Variants in COBL observed in about 807,000 individuals in gnomAD.
The protein encoded by COBL is cordon-bleu WH2 repeat protein, also known as protein cordon-bleu.
A neutral mutation model predicts 98.8 loss-of-function variants in COBL; 51 were observed. That is an observed-to-expected ratio of 0.52 (90% CI 0.41 to 0.65). COBL has a LOEUF of 0.65. Ranked by LOEUF, COBL falls within the 30% of genes least tolerant of loss-of-function variation. The pLI is 0.00. For synonymous variants in COBL, 634 were observed against 651.7 expected (o/e 0.97, Z 0.41); for missense variants, 1,617 against 1,617.5 (o/e 1.00, Z 0.01).
At chr7:51,229,638 C>A (rs917486461) in intron 1 of COBL, among the ~76,000 whole-genome samples, 2 of 152,196 alleles carry the variant, frequency 1.3e-5, no homozygotes, top group African/African-American at 2.4e-5. Context: ...ATTCTTGCCA[C>A]CTCTCAGGCA....
chr7:51,126,956 C>A (rs763901896), intron 6 of COBL, among the ~76,000 whole-genome samples: 2 of 152,236 alleles, frequency 1.3e-5, no homozygotes, highest in East Asian at 1.9e-4. Flanking sequence ...CATGTTCACC[C>A]GCTCATAAAT....
chr7:51,029,279 T>C lies in COBL; in HGVS notation c.1817A>G (p.Asp606Gly), dbSNP rs1223600522. ...GGCCACACGGATTCCTTTTCCGACG[T>C]CATGGGAAGCGGGGTGCAGGGCAGG... ...EVPALHPASH[D>G]VGKGIRVALS... Residue 606 changes from aspartate to glycine, a missense_variant, in exon 10 of 13, where the codon GAC (aspartate) becomes GGC (glycine). Transcript: ENST00000265136. 3 of 1,607,022 alleles carry C rather than the reference T, an allele frequency of 1.9e-6. No individual in the cohort carries two copies. Among genetic ancestry groups the C allele is most frequent in the African/African-American group, 1.3e-5 (1 of 74,736 alleles).
intron 7 of COBL, chr7:51,065,259 A>G (rs1034751335): frequency 2.8e-5 from 20 of 703,300 alleles, no homozygotes; most frequent in African/African-American, 1.0e-4. Context: ...TGCTTGAAAG[A>G]CCCAAGAGAA....
At chr7:51,036,582 A>C (rs1788664933) in intron 8 of COBL, among the ~76,000 whole-genome samples, 1 of 152,034 alleles carries the variant, frequency 6.6e-6, no homozygotes, top group African/African-American at 2.4e-5. Flanking sequence ...TCCCATAAGG[A>C]TCCTCATAGC....
At chr7:51,030,018 TA>T (rs1182790968) in intron 9 of COBL, among the ~76,000 whole-genome samples, 6 of 152,230 alleles carry the variant, frequency 3.9e-5, no homozygotes, top group African/African-American at 1.4e-4. Context: ...AGCAGATGAC[TA>T]AATCTTGAGT....
chr7:51,167,551 A>G (rs2129040388), intron 5 of COBL, among the ~76,000 whole-genome samples: 1 of 152,298 alleles, frequency 6.6e-6, no homozygotes, highest in African/African-American at 2.4e-5. Flanking sequence ...TACCAATGAC[A>G]TTCTTCACAG....
chr7:51,242,144 A>T (rs1448548809), intron 1 of COBL, among the ~76,000 whole-genome samples: 1 of 152,198 alleles, frequency 6.6e-6, no homozygotes, highest in Non-Finnish European at 1.5e-5. Flanking sequence ...TTCTGCAATC[A>T]ATCAGAAGTT....
At chr7:51,302,005 C>A (rs1436843282) in intron 1 of COBL, among the ~76,000 whole-genome samples, 1 of 152,210 alleles carries the variant, frequency 6.6e-6, no homozygotes, top group African/African-American at 2.4e-5. Flanking sequence ...AGGGGCCTCT[C>A]CCCTGGTTGG....
At chr7:51,040,915 G>T (rs1159808646) in intron 8 of COBL, among the ~76,000 whole-genome samples, 1 of 152,236 alleles carries the variant, frequency 6.6e-6, no homozygotes, top group Non-Finnish European at 1.5e-5. Flanking sequence ...CAAACAATGA[G>T]TCCTATGCGC....
intron 1 of COBL, among the ~76,000 whole-genome samples, chr7:51,272,389 G>A (rs868738498): frequency 1.3e-5 from 2 of 152,212 alleles, no homozygotes; most frequent in East Asian, 1.9e-4. Context: ...CAGGCAGTCC[G>A]ATTCCAAGAG....
At chr7:51,112,278 TG>T (rs1210487862) in intron 6 of COBL, among the ~76,000 whole-genome samples, 1 of 152,236 alleles carries the variant, frequency 6.6e-6, no homozygotes, top group Non-Finnish European at 1.5e-5. Context: ...GAAATTGTAT[TG>T]CTCTCCTCAG....
intron 8 of COBL, 43 bp from the exon 9 acceptor site, chr7:51,030,952 A>G (rs796105620): frequency 1.6e-6 from 2 of 1,270,180 alleles, no homozygotes; most frequent in Non-Finnish European, 2.3e-6. Context: ...TTCTCTTACT[A>G]TTGATTTAAT....
chr7:51,308,258 A>T (rs1295187796), intron 1 of COBL, among the ~76,000 whole-genome samples: 2 of 152,184 alleles, frequency 1.3e-5, no homozygotes, highest in Non-Finnish European at 2.9e-5. Context: ...AAAAGTATAC[A>T]CTTCGGCTGC....
chr7:51,260,500 C>T (rs979980540), intron 1 of COBL, among the ~76,000 whole-genome samples: 3 of 152,178 alleles, frequency 2.0e-5, no homozygotes, highest in African/African-American at 7.2e-5. Flanking sequence ...GTAGGAAACA[C>T]AGATAAACAA....
chr7:51,232,091 G>A (rs973597299), intron 1 of COBL, among the ~76,000 whole-genome samples: 1 of 152,136 alleles, frequency 6.6e-6, no homozygotes, highest in Admixed American at 6.5e-5. Flanking sequence ...TCTGGTAGAC[G>A]ATGCAGAGCT....
chr7:51,052,738 T>C (rs1221603272), intron 7 of COBL, among the ~76,000 whole-genome samples: 3 of 152,176 alleles, frequency 2.0e-5, no homozygotes, highest in African/African-American at 7.2e-5. Flanking sequence ...GAAGCAAAGG[T>C]GAGGCAGCCA....
intron 1 of COBL, among the ~76,000 whole-genome samples, chr7:51,293,516 T>C (rs1295450234): frequency 2.0e-5 from 3 of 151,882 alleles, no homozygotes; most frequent in South Asian, 2.1e-4. Flanking sequence ...TCAATGGTGG[T>C]TGAGGGGCGC....
At chr7:51,161,286 C>A (rs558165026) in intron 5 of COBL, among the ~76,000 whole-genome samples, 5 of 152,180 alleles carry the variant, frequency 3.3e-5, no homozygotes, top group African/African-American at 1.2e-4. Context: ...CCTGGAGACC[C>A]GGATCAGCTG....
At chr7:51,189,720 T>C (rs1174671783) in intron 4 of COBL, among the ~76,000 whole-genome samples, 4 of 152,080 alleles carry the variant, frequency 2.6e-5, no homozygotes, top group East Asian at 3.9e-4. Flanking sequence ...AACTTGAATA[T>C]GTATATATTT....
Sources: gnomAD v4.1 joint callset for allele counts (sites outside exome capture counted in the v4.1 genomes callset) on GRCh38, gnomAD v4.1.1 for gene constraint, MANE v1.5 for transcripts, NCBI Gene and HGNC (gene_info 2026-07-23, HGNC 2026-07-21) for gene names.